Variants in CEP85L observed in about 807,000 individuals in gnomAD.
CEP85L encodes the protein centrosomal protein of 85 kDa-like.
CEP85L carries 60 observed loss-of-function variants against 100.3 expected under a neutral mutation model. The ratio of observed to expected loss-of-function variants is 0.60; its 90% CI spans 0.49 to 0.74. The LOEUF is 0.74. Among genes scored for constraint, CEP85L ranks in the 30% least tolerant of loss-of-function variants. The pLI is 0.00. For synonymous variants in CEP85L, 319 were observed against 322.7 expected (o/e 0.99, Z 0.12); for missense variants, 973 against 936.2 (o/e 1.04, Z -0.51).
chr6:118,638,543 T>C (rs1374327867), intron 1 of CEP85L, among the ~76,000 whole-genome samples: 4 of 148,720 alleles, frequency 2.7e-5, no homozygotes, highest in Non-Finnish European at 5.9e-5. Context: ...ACTATGTTAC[T>C]GAAATGGGAA....
At chr6:118,668,558 CA>C (rs35071009) in intron 1 of CEP85L, among the ~76,000 whole-genome samples, 1 of 152,184 alleles carries the variant, frequency 6.6e-6, no homozygotes, top group East Asian at 1.9e-4. Context: ...CCAGCCTGGG[CA>C]AAAAGCATTA....
At chr6:118,486,641 C>T (rs902521519) in intron 6 of CEP85L, among the ~76,000 whole-genome samples, 1 of 152,134 alleles carries the variant, frequency 6.6e-6, no homozygotes, top group Admixed American at 6.6e-5. Context: ...GAACTCAAGT[C>T]ATCTCCATGT....
intron 10 of CEP85L, among the ~76,000 whole-genome samples, chr6:118,472,201 T>C (rs538223728): frequency 6.6e-6 from 1 of 152,254 alleles, no homozygotes; most frequent in Admixed American, 6.5e-5. Flanking sequence ...ATGTGACTAA[T>C]AATTAGCTAA....
chr6:118,542,900 CAA>C (rs71012391), intron 3 of CEP85L, among the ~76,000 whole-genome samples: 1,100 of 67,168 alleles, frequency 0.016, 18 homozygotes, highest in African/African-American at 0.056. Flanking sequence ...CAAGTTTTCC[CAA>C]AAAAAAAAAA....
In CEP85L at chr6:118,529,608, C is replaced by CAA. The variant is rs55732442; in HGVS notation, c.1021-5690_1021-5689dup. Among the ~76,000 whole-genome samples the CAA allele has an allele frequency of 1.8e-3, 166 of 92,504 alleles. 1 individual carries two copies. Among genetic ancestry groups the CAA allele is most frequent in the Admixed American group, 3.8e-3 (29 of 7,718 alleles). 60.7% of individuals were successfully genotyped at this position (92,504 alleles called of 152,430 possible). A position where few individuals can be genotyped will look rare whatever the true frequency, so the allele number is the denominator to read the frequency against. ...GGGCGACAGAGCGAGACTCTGTCTC[C>CAA]AAAAAAAAAAAAAAAAAAAAAAAAA... On this transcript the variant is annotated intron_variant, in intron 3 of 12. Transcript: ENST00000368491.
At chr6:118,618,688 G>C (rs1256021570) in intron 2 of CEP85L, among the ~76,000 whole-genome samples, 1 of 152,152 alleles carries the variant, frequency 6.6e-6, no homozygotes, top group Non-Finnish European at 1.5e-5. Context: ...TTACTCCTTT[G>C]ATGGAAAGTG....
chr6:118,467,069 T>C (rs1562166738), intron 12 of CEP85L, among the ~76,000 whole-genome samples: 1 of 152,082 alleles, frequency 6.6e-6, no homozygotes, highest in Non-Finnish European at 1.5e-5. Context: ...TGTTACTCAC[T>C]GAGAAGAGGA....
intron 3 of CEP85L, among the ~76,000 whole-genome samples, chr6:118,562,923 G>C (rs1779305610): frequency 6.6e-6 from 1 of 152,120 alleles, no homozygotes; most frequent in African/African-American, 2.4e-5. Flanking sequence ...GTGTAGAAGT[G>C]TTTATCCTCC....
intron 1 of CEP85L, among the ~76,000 whole-genome samples, chr6:118,676,953 A>T (rs887609766): frequency 4.0e-5 from 6 of 151,624 alleles, no homozygotes; most frequent in Admixed American, 6.6e-5. Context: ...GATACTGAGC[A>T]TTTTTTTTCA....
intron 3 of CEP85L, chr6:118,564,915 G>A (rs1259614304): frequency 6.6e-6 from 1 of 152,114 alleles, no homozygotes; most frequent in Non-Finnish European, 1.5e-5. Flanking sequence ...ACTGGGGGCT[G>A]TATACTATTT....
chr6:118,599,651 A>T (rs1332016906), intron 2 of CEP85L, among the ~76,000 whole-genome samples: 1 of 152,212 alleles, frequency 6.6e-6, no homozygotes, highest in Non-Finnish European at 1.5e-5. Context: ...GTTTTATAGA[A>T]GAGAAACCTG....
intron 1 of CEP85L, among the ~76,000 whole-genome samples, chr6:118,637,914 T>C (rs1774612060): frequency 6.6e-6 from 1 of 151,966 alleles, no homozygotes; most frequent in African/African-American, 2.4e-5. Flanking sequence ...TGAAAAATAG[T>C]CCAAGCCCAC....
At chr6:118,482,141 A>C (rs1773837519) in intron 7 of CEP85L, among the ~76,000 whole-genome samples, 1 of 152,034 alleles carries the variant, frequency 6.6e-6, no homozygotes, top group African/African-American at 2.4e-5. Context: ...CAAGGAAGAG[A>C]ATGGGGTTAG....
chr6:118,479,797 AT>A, intron 10 of CEP85L, 73 bp downstream of exon 10: 1 of 719,630 alleles, frequency 1.4e-6, no homozygotes, highest in African/African-American at 1.9e-5. Context: ...ATGCTTTAAT[AT>A]TTTCAGATTA....
chr6:118,580,597 C>T (rs1780517236), intron 2 of CEP85L, among the ~76,000 whole-genome samples: 1 of 152,198 alleles, frequency 6.6e-6, no homozygotes, highest in South Asian at 2.1e-4. Context: ...GGCCGTATTT[C>T]GAATCAGCTT....
chr6:118,543,116 G>A (rs1778004674), intron 3 of CEP85L, among the ~76,000 whole-genome samples: 1 of 151,782 alleles, frequency 6.6e-6, no homozygotes, highest in Admixed American at 6.6e-5. Context: ...TATTTTTATA[G>A]AGACACTGCC....
At chr6:118,700,612 G>A (rs749341619) in intron 1 of CEP85L, among the ~76,000 whole-genome samples, 1 of 152,140 alleles carries the variant, frequency 6.6e-6, no homozygotes, top group African/African-American at 2.4e-5. Flanking sequence ...TCTTGAATTT[G>A]GCTTTGCAGT....
chr6:118,517,792 G>C lies in CEP85L; in HGVS notation c.1139+6010C>G, dbSNP rs191230765. ...TGCTATGTTGAAGAGGAGTGTGAGAGAGGGCATCCTTGTCTTGTGCCAGTT... is the reference window on the plus strand; with the variant it reads ...TGCTATGTTGAAGAGGAGTGTGAGACAGGGCATCCTTGTCTTGTGCCAGTT... On this transcript the variant is annotated intron_variant, in intron 4 of 12. Transcript: ENST00000368491. 2.0e-5 allele frequency among the ~76,000 whole-genome samples: 3 copies of C among 152,300 alleles called. No individual in the cohort carries two copies. In the East Asian group the frequency reaches 5.8e-4, roughly 29 times the overall value.
At chr6:118,519,605 C>A (rs1282716644) in intron 4 of CEP85L, among the ~76,000 whole-genome samples, 1 of 122,392 alleles carries the variant, frequency 8.2e-6, no homozygotes, top group Non-Finnish European at 1.7e-5. Context: ...TGTGAAACTC[C>A]GTCTCAAAAA....
Sources: allele counts gnomAD v4.1 joint callset (sites outside exome capture counted in the v4.1 genomes callset), GRCh38; gene constraint gnomAD v4.1.1; transcripts MANE v1.5; gene names NCBI Gene and HGNC (gene_info 2026-07-23, HGNC 2026-07-21).